The following TNFRSF21 variants were observed in gnomAD, a reference collection of about 807,000 sequenced individuals.
The protein encoded by TNFRSF21 is TNF receptor superfamily member 21.
TNFRSF21 carries 19 observed loss-of-function variants against 45.6 expected under a neutral mutation model. The observed-to-expected ratio is 0.42, with a 90% CI of 0.29 to 0.61. The LOEUF (loss-of-function observed/expected upper bound fraction) is 0.61. Among genes scored for constraint, TNFRSF21 ranks in the 20% least tolerant of loss-of-function variants. TNFRSF21 has a pLI of 0.23. For synonymous variants in TNFRSF21, 314 were observed against 335.5 expected (o/e 0.94, Z 0.70); for missense variants, 737 against 851.5 (o/e 0.87, Z 1.67).
Position 47,249,776 on chromosome 6 carries a change from A to G in TNFRSF21, c.1509+3480T>C, listed in dbSNP as rs147618505. Among the ~76,000 whole-genome samples the G allele has an allele frequency of 2.0e-3, 311 of 152,308 alleles. 1 individual carries two copies. Among genetic ancestry groups the G allele is most frequent in the African/African-American group, 7.2e-3 (300 of 41,572 alleles). On this transcript the variant is annotated intron_variant, in intron 4 of 5. Transcript: ENST00000296861. ...TAGTATCTGTAAAATGGTAAAAAGT[A>G]CACATTTATTGCCTATATCTCATAA... is the stretch of plus-strand genomic sequence containing the variant.
At chr6:47,295,381 A>T (rs1465334268) in intron 1 of TNFRSF21, among the ~76,000 whole-genome samples, 3 of 152,248 alleles carry the variant, frequency 2.0e-5, no homozygotes, top group African/African-American at 7.2e-5. Flanking sequence ...GAGCAAAGTC[A>T]AGGCGGAAAT....
chr6:47,235,312 T>TGA (rs1295453153), intron 4 of TNFRSF21, among the ~76,000 whole-genome samples: 2 of 152,172 alleles, frequency 1.3e-5, no homozygotes, highest in Middle Eastern at 3.2e-3. Context: ...GCGACTACTG[T>TGA]GAGAGAGGGC....
At chr6:47,244,323 CAA>C (rs764763953) in intron 4 of TNFRSF21, among the ~76,000 whole-genome samples, 107 of 76,020 alleles carry the variant, frequency 1.4e-3, no homozygotes, top group African/African-American at 3.6e-3. Context: ...GACTCCGTCT[CAA>C]AAAAAAAAAA....
chr6:47,257,617 GAGATAGTTAC>G (rs1765007024), intron 3 of TNFRSF21, among the ~76,000 whole-genome samples: 1 of 152,220 alleles, frequency 6.6e-6, no homozygotes, highest in South Asian at 2.1e-4. Flanking sequence ...TTGCCAAATT[GAGATAGTTAC>G]CTCTTTGGGG....
chr6:47,243,946 T>C (rs1461829494), intron 4 of TNFRSF21, among the ~76,000 whole-genome samples: 1 of 152,200 alleles, frequency 6.6e-6, no homozygotes, highest in African/African-American at 2.4e-5. Context: ...TCTGAATGCA[T>C]GTGAACATGT....
chr6:47,263,982 A>C (rs1034702368), intron 3 of TNFRSF21, among the ~76,000 whole-genome samples: 1 of 152,248 alleles, frequency 6.6e-6, no homozygotes, highest in Non-Finnish European at 1.5e-5. Flanking sequence ...AATTCTATAC[A>C]TACATTGCCA....
At chr6:47,306,760 T>C (rs1762945412) in intron 1 of TNFRSF21, among the ~76,000 whole-genome samples, 1 of 152,134 alleles carries the variant, frequency 6.6e-6, no homozygotes, top group Non-Finnish European at 1.5e-5. Context: ...ACAATAAATA[T>C]TATCACACAA....
intron 3 of TNFRSF21, among the ~76,000 whole-genome samples, chr6:47,280,914 A>G (rs1418274503): frequency 2.0e-5 from 3 of 152,184 alleles, no homozygotes; most frequent in Non-Finnish European, 4.4e-5. Flanking sequence ...GTGAATAATG[A>G]GAGGACAGTT....
chr6:47,289,003 T>C (rs997857842), intron 1 of TNFRSF21, among the ~76,000 whole-genome samples: 3 of 152,196 alleles, frequency 2.0e-5, no homozygotes, highest in Admixed American at 6.5e-5. Flanking sequence ...AAGGAAATTA[T>C]ATTCATGGGA....
intron 1 of TNFRSF21, among the ~76,000 whole-genome samples, chr6:47,286,969 C>T (rs1311644882): frequency 3.3e-5 from 5 of 152,116 alleles, no homozygotes; most frequent in African/African-American, 9.7e-5. Flanking sequence ...TATGGCTGGG[C>T]GCACTGGCTC....
chr6:47,232,898 A>G lies in TNFRSF21; in HGVS notation c.1835T>C (p.Leu612Pro). The G allele has an allele frequency of 6.2e-7, 1 of 1,614,124 alleles. No homozygotes were observed. Among genetic ancestry groups the G allele is most frequent in the Non-Finnish European group, 8.5e-7 (1 of 1,180,028 alleles). ...DMLHFLNPEE[L>P]RVIEEIPQAE... ...CTGGGGAATCTCTTCAATCACCCGC[A>G]GCTCCTCAGGATTTAGAAAGTGGAG... The change falls in exon 6 of 6, where the codon CTG becomes CCG. Residue 612 changes from leucine to proline, a missense_variant. By Grantham distance (98) the Leu-to-Pro change is moderately conservative. Transcript: ENST00000296861.
intron 1 of TNFRSF21, among the ~76,000 whole-genome samples, chr6:47,301,088 A>G (rs1009984177): frequency 6.6e-6 from 1 of 152,262 alleles, no homozygotes; most frequent in East Asian, 1.9e-4. Context: ...GACAACTTAC[A>G]TAAGTTTAAA....
chr6:47,253,187 C>A, intron 4 of TNFRSF21, 69 bp downstream of exon 4: 3 of 1,551,546 alleles, frequency 1.9e-6, no homozygotes, highest in Non-Finnish European at 2.6e-6. Flanking sequence ...TGTTCCCATA[C>A]AACTGATAAA....
At chr6:47,297,930 C>T (rs543369463) in intron 1 of TNFRSF21, among the ~76,000 whole-genome samples, 7 of 152,112 alleles carry the variant, frequency 4.6e-5, no homozygotes, top group East Asian at 3.9e-4. Flanking sequence ...CAAACCATCC[C>T]GGACTTAGAG....
chr6:47,305,713 C>A (rs1260024011), intron 1 of TNFRSF21, among the ~76,000 whole-genome samples: 2 of 152,220 alleles, frequency 1.3e-5, no homozygotes, highest in Non-Finnish European at 2.9e-5. Context: ...CACAGCTGGA[C>A]AGGCTATAAC....
At chr6:47,245,912 A>C (rs1031640813) in intron 4 of TNFRSF21, among the ~76,000 whole-genome samples, 2 of 152,200 alleles carry the variant, frequency 1.3e-5, no homozygotes, top group African/African-American at 4.8e-5. Flanking sequence ...CATGTCTTAC[A>C]TGGTCAGAGC....
At chr6:47,293,827 C>T (rs141208540) in intron 1 of TNFRSF21, among the ~76,000 whole-genome samples, 94 of 152,328 alleles carry the variant, frequency 6.2e-4, no homozygotes, top group Middle Eastern at 6.8e-3. Flanking sequence ...GACCACCTCT[C>T]CACTAATAAA....
At chr6:47,298,163 A>T (rs946725872) in intron 1 of TNFRSF21, among the ~76,000 whole-genome samples, 1 of 151,988 alleles carries the variant, frequency 6.6e-6, no homozygotes, top group Admixed American at 6.6e-5. Context: ...GTCCCATGAG[A>T]TATTAATGAT....
At chr6:47,270,766 G>T (rs1290940176) in intron 3 of TNFRSF21, among the ~76,000 whole-genome samples, 1 of 151,734 alleles carries the variant, frequency 6.6e-6, no homozygotes, top group African/African-American at 2.4e-5. Context: ...TAAAAACCTT[G>T]AAAAAAAAGT....
Sources: gnomAD v4.1 joint callset for allele counts (sites outside exome capture counted in the v4.1 genomes callset) on GRCh38, gnomAD v4.1.1 for gene constraint, MANE v1.5 for transcripts, NCBI Gene and HGNC (gene_info 2026-07-23, HGNC 2026-07-21) for gene names.